Variants in CADPS2 observed in about 807,000 individuals in gnomAD.
CADPS2 encodes calcium dependent secretion activator 2.
In CADPS2, 93 loss-of-function variants were observed where a neutral mutation model predicts 172.5. The observed-to-expected ratio is 0.54, with a 90% CI of 0.46 to 0.64. CADPS2 has a LOEUF of 0.64. Among genes scored for constraint, CADPS2 ranks in the 30% least tolerant of loss-of-function variants. The probability of loss-of-function intolerance (pLI) is 0.00; values close to 1 mark genes in which losing one functional copy is unlikely to be tolerated. For missense variants in CADPS2, 1,420 were observed against 1,565.9 expected, an observed-to-expected ratio of 0.91 and a Z score of 1.57; for synonymous variants, 546 against 555.2, an observed-to-expected ratio of 0.98 and a Z score of 0.23.
chr7:122,589,368 C>T (rs2070352300), intron 6 of CADPS2, among the ~76,000 whole-genome samples: 1 of 151,906 alleles, frequency 6.6e-6, no homozygotes, highest in African/African-American at 2.4e-5. Flanking sequence ...CACTAAAAGA[C>T]TTATAAAACA....
chr7:122,862,347 CT>C (rs1253520494), intron 1 of CADPS2, among the ~76,000 whole-genome samples: 1 of 152,194 alleles, frequency 6.6e-6, no homozygotes, highest in Non-Finnish European at 1.5e-5. Flanking sequence ...TTTTCAGATT[CT>C]CTTTTGGTTT....
intron 1 of CADPS2, among the ~76,000 whole-genome samples, chr7:122,797,210 T>C (rs1198626992): frequency 2.0e-5 from 3 of 151,968 alleles, no homozygotes; most frequent in Admixed American, 2.0e-4. Flanking sequence ...CAGATGATGG[T>C]GATGTTGCAG....
intron 14 of CADPS2, among the ~76,000 whole-genome samples, chr7:122,470,064 T>C (rs769163764): frequency 3.3e-5 from 5 of 152,166 alleles, no homozygotes; most frequent in Non-Finnish European, 7.4e-5. Context: ...AGGATGGTAA[T>C]GGGAAAATGT....
At chr7:122,380,274 T>A (rs1448966176) in intron 24 of CADPS2, among the ~76,000 whole-genome samples, 2 of 152,112 alleles carry the variant, frequency 1.3e-5, no homozygotes, top group East Asian at 3.9e-4. Context: ...AGCATTTATC[T>A]GACAACTGAT....
intron 1 of CADPS2, among the ~76,000 whole-genome samples, chr7:122,812,578 T>C (rs1260248808): frequency 2.0e-5 from 3 of 152,096 alleles, no homozygotes; most frequent in Non-Finnish European, 4.4e-5. Context: ...TTTTCAAAAA[T>C]AGGTACTGGA....
At chr7:122,333,889 T>TTATA (rs138677404) in intron 28 of CADPS2, among the ~76,000 whole-genome samples, 2 of 149,092 alleles carry the variant, frequency 1.3e-5, no homozygotes, top group African/African-American at 4.9e-5. Flanking sequence ...AAATATAAAT[T>TTATA]TATATATATA....
chr7:122,576,842 C>G (rs2068111699), intron 7 of CADPS2, among the ~76,000 whole-genome samples: 1 of 151,204 alleles, frequency 6.6e-6, no homozygotes, highest in Non-Finnish European at 1.5e-5. Flanking sequence ...CTCATGAAAC[C>G]TCTGCCTCCC....
intron 5 of CADPS2, among the ~76,000 whole-genome samples, chr7:122,617,698 A>G (rs1021251225): frequency 2.0e-5 from 3 of 152,194 alleles, no homozygotes; most frequent in African/African-American, 7.2e-5. Context: ...CCAAACATAG[A>G]GAAAGTCATG....
intron 25 of CADPS2, among the ~76,000 whole-genome samples, chr7:122,372,948 C>T (rs983486707): frequency 1.3e-5 from 2 of 152,104 alleles, no homozygotes; most frequent in Admixed American, 6.6e-5. Context: ...GAACTATGTT[C>T]CTATCAGTGA....
At chr7:122,645,488 G>T (rs5016708) in intron 3 of CADPS2, among the ~76,000 whole-genome samples, 23 of 94,298 alleles carry the variant, frequency 2.4e-4, no homozygotes, top group South Asian at 5.9e-4. Context: ...TATATTTAGC[G>T]TATATATATA....
intron 1 of CADPS2, among the ~76,000 whole-genome samples, chr7:122,859,681 T>C (rs1816391296): frequency 1.3e-5 from 2 of 152,140 alleles, no homozygotes; most frequent in African/African-American, 4.8e-5. Flanking sequence ...CCAAAATCCA[T>C]GGATGCTTGG....
At chr7:122,375,895 C>CAA (rs555257466) in intron 25 of CADPS2, among the ~76,000 whole-genome samples, 2,282 of 138,154 alleles carry the variant, frequency 0.017, 27 homozygotes, top group Non-Finnish European at 0.025. Flanking sequence ...ACTCAATAGC[C>CAA]AAAAAAAAAA....
intron 2 of CADPS2, among the ~76,000 whole-genome samples, chr7:122,679,174 A>C (rs2082707839): frequency 6.6e-6 from 1 of 151,002 alleles, no homozygotes; most frequent in Non-Finnish European, 1.5e-5. Flanking sequence ...TATTTCTCTT[A>C]TTACCGAAAA....
At chr7:122,514,292 G>C (rs1288703066) in intron 8 of CADPS2, among the ~76,000 whole-genome samples, 1 of 151,936 alleles carries the variant, frequency 6.6e-6, no homozygotes, top group African/African-American at 2.4e-5. Flanking sequence ...ACAGTGCAGA[G>C]GCTGTTCAAA....
chr7:122,541,832 CATATGT>C (rs2063089451), intron 8 of CADPS2, among the ~76,000 whole-genome samples: 1 of 91,528 alleles, frequency 1.1e-5, no homozygotes, highest in Admixed American at 1.1e-4. Context: ...TTTATATATT[CATATGT>C]TTATATATTC....
chr7:122,627,614 G>C (rs1000509947), intron 4 of CADPS2, among the ~76,000 whole-genome samples: 2 of 152,126 alleles, frequency 1.3e-5, no homozygotes, highest in Non-Finnish European at 2.9e-5. Context: ...GAATACGTCT[G>C]AGTCTCTTCT....
intron 27 of CADPS2, among the ~76,000 whole-genome samples, chr7:122,355,575 G>C (rs1334500601): frequency 7.1e-6 from 1 of 140,542 alleles, no homozygotes; most frequent in Non-Finnish European, 1.5e-5. Context: ...GAGTGAGGCT[G>C]TCTTATTAAA....
chr7:122,649,129 T>A (rs924780788), intron 3 of CADPS2, among the ~76,000 whole-genome samples: 1 of 151,380 alleles, frequency 6.6e-6, no homozygotes, highest in African/African-American at 2.4e-5. Flanking sequence ...GCCCTAAATA[T>A]TCAAATCATT....
chr7:122,655,727 T>A (rs977065111), intron 3 of CADPS2, among the ~76,000 whole-genome samples: 1 of 152,158 alleles, frequency 6.6e-6, no homozygotes. Flanking sequence ...AGTGTCTTGG[T>A]TGCTTTCTAA....
Sources: allele counts gnomAD v4.1 joint callset (sites outside exome capture counted in the v4.1 genomes callset), GRCh38; gene constraint gnomAD v4.1.1; transcripts MANE v1.5; gene names NCBI Gene and HGNC (gene_info 2026-07-23, HGNC 2026-07-21).